Variants in WDFY4 observed in about 807,000 individuals in gnomAD.
The protein encoded by WDFY4 is WDFY family member 4.
Under a neutral mutation model 351.9 loss-of-function variants are expected in WDFY4, and 169 were observed. That is an observed-to-expected ratio of 0.48 (90% confidence interval 0.42 to 0.55). The LOEUF (loss-of-function observed/expected upper bound fraction) is 0.55, where lower values mean the gene tolerates loss of function less well. WDFY4 is among the 20% of genes least tolerant of loss of function. The pLI is 0.00. For synonymous variants in WDFY4, 1,622 were observed against 1,574.6 expected (o/e 1.03, Z -0.71); for missense variants, 3,803 against 3,935.6 (o/e 0.97, Z 0.90).
At chr10:48,713,961 T>G (rs1353938753) in intron 2 of WDFY4, among the ~76,000 whole-genome samples, 2 of 152,196 alleles carry the variant, frequency 1.3e-5, no homozygotes, top group African/African-American at 4.8e-5. Context: ...GATGCCCAGG[T>G]GAGCAGTTGC....
intron 47 of WDFY4, among the ~76,000 whole-genome samples, chr10:48,911,236 T>C (rs1293572419): frequency 6.6e-6 from 1 of 152,192 alleles, no homozygotes; most frequent in Non-Finnish European, 1.5e-5. Flanking sequence ...TCATGAGTCA[T>C]TTCAGACAGT....
At chr10:48,877,779 G>A (rs1053021067) in intron 43 of WDFY4, among the ~76,000 whole-genome samples, 5 of 152,224 alleles carry the variant, frequency 3.3e-5, no homozygotes, top group African/African-American at 1.2e-4. Context: ...AGGTGGCAGG[G>A]AAACCCGGGG....
In WDFY4 at chr10:48,981,320, C is replaced by T. The variant is rs114947197; in HGVS notation, c.9377-47C>T. On this transcript the variant is annotated intron_variant, in intron 60 of 61. Coordinates refer to ENST00000325239, the MANE Select transcript of WDFY4 (RefSeq NM_001394531.1). The stretch of plus-strand genomic sequence containing the variant: ...CGTGTGCAGATGCACACTGTATGTG[C>T]GAAGCCGATCTGGCGTTCTAACTCT... The T allele has an allele frequency of 7.8e-4, 1,196 of 1,523,920 alleles. 12 individuals are homozygous for T. The African/African-American group carries it at 0.014, about 18-fold the overall frequency. 94.4% of individuals were successfully genotyped at this position (1,523,920 alleles called of 1,614,324 possible).
intron 31 of WDFY4, among the ~76,000 whole-genome samples, chr10:48,815,318 T>C (rs764861156): frequency 1.3e-5 from 2 of 151,928 alleles, no homozygotes; most frequent in South Asian, 2.1e-4. Context: ...ATTTTTCATA[T>C]GTTTATTAGC....
At chr10:48,790,543 C>T (rs1416075421) in intron 22 of WDFY4, among the ~76,000 whole-genome samples, 184 bp from the exon 23 acceptor site, 1 of 152,204 alleles carries the variant, frequency 6.6e-6, no homozygotes, top group Non-Finnish European at 1.5e-5. Flanking sequence ...ACAGTATCTC[C>T]CAGCCATCTA....
At chr10:48,933,732 C>G (rs1840176838) in intron 47 of WDFY4, among the ~76,000 whole-genome samples, 1 of 152,100 alleles carries the variant, frequency 6.6e-6, no homozygotes, top group Admixed American at 6.5e-5. Context: ...TGGCAATGGG[C>G]TGAGAGTTGG....
At chr10:48,853,877 T>A (rs1251215630) in intron 39 of WDFY4, among the ~76,000 whole-genome samples, 1 of 152,152 alleles carries the variant, frequency 6.6e-6, no homozygotes, top group African/African-American at 2.4e-5. Context: ...GGTGTGGGGT[T>A]TATCTTCGTA....
chr10:48,734,523 CATATAT>C (rs10653287), intron 10 of WDFY4, among the ~76,000 whole-genome samples: 1 of 144,952 alleles, frequency 6.9e-6, no homozygotes, highest in Non-Finnish European at 1.5e-5. Context: ...ATAATATGTG[CATATAT>C]ATATATATAT....
intron 57 of WDFY4, among the ~76,000 whole-genome samples, chr10:48,973,941 G>A (rs1842441469): frequency 1.3e-5 from 2 of 152,204 alleles, no homozygotes; most frequent in Non-Finnish European, 2.9e-5. Context: ...TGATGACCAT[G>A]TGACCTCCCC....
At chr10:48,795,921 G>A (rs922271038) in intron 23 of WDFY4, among the ~76,000 whole-genome samples, 3 of 152,120 alleles carry the variant, frequency 2.0e-5, no homozygotes, top group Admixed American at 1.3e-4. Context: ...AGGCACATCT[G>A]GCTGGGTGCA....
Position 48,822,490 on chromosome 10 carries a change from G to T in WDFY4, c.5935G>T (p.Ala1979Ser). Residue 1979 changes from alanine to serine, a missense_variant, in exon 35 of 62, where the codon GCA (alanine) becomes TCA (serine). This residue lies in a region of WDFY4 where 3,054 missense variants were observed against 3,148.6 expected (regional missense o/e 0.97). Coordinates refer to ENST00000325239, the MANE Select transcript of WDFY4 (RefSeq NM_001394531.1). The stretch of plus-strand genomic sequence containing the variant: ...GAAGCTGTACAGTGGGATGTTCTCG[G>T]CAGACCCCAGGCATATCCTCCTCTT... The part of the protein sequence containing the change: ...VEKLYSGMFS[A>S]DPRHILLFIL... 1.3e-6 allele frequency: 2 copies of T among 1,550,140 alleles called. No homozygotes were observed. The highest frequency in any genetic ancestry group is 2.4e-5 in the South Asian group (2 of 83,574).
intron 8 of WDFY4, among the ~76,000 whole-genome samples, chr10:48,730,789 G>A (rs1207842303): frequency 6.6e-6 from 1 of 152,114 alleles, no homozygotes; most frequent in African/African-American, 2.4e-5. Flanking sequence ...CCATCTCAAT[G>A]TATGGCCAAT....
chr10:48,974,893 GC>G lies in WDFY4; in HGVS notation c.8962del (p.Leu2988TrpfsTer11). 6.4e-7 allele frequency: 1 copy of G among 1,550,434 alleles called. No homozygotes were observed. Among genetic ancestry groups the G allele is most frequent in the Non-Finnish European group, 8.7e-7 (1 of 1,146,170 alleles). On this transcript the variant is annotated frameshift_variant, in exon 58 of 62. Transcript: ENST00000325239. LOFTEE classifies it high-confidence loss of function. ...TATGGACACACACAGGCTGTCACGT[GC>G]CTGGCAGCGTCAGTCACCTTCAGCC... The part of the protein sequence containing the change: ...ALYGHTQAVT[C>X]LAASVTFSLL...
intron 24 of WDFY4, among the ~76,000 whole-genome samples, chr10:48,800,674 CTTTCT>C (rs1565213624): frequency 4.2e-5 from 2 of 48,182 alleles, no homozygotes; most frequent in African/African-American, 1.8e-4. Context: ...GTTTTGGTTT[CTTTCT>C]TTCTTTCTTT....
At position 48,832,678 on chromosome 10, in the gene WDFY4, G is replaced by A. The variant is rs765669221; in HGVS notation, c.6632G>A (p.Arg2211Gln). The A allele has an allele frequency of 5.8e-5, 90 of 1,549,770 alleles. No homozygotes were observed. The Middle Eastern group carries it at 6.7e-4, about 11-fold the overall frequency. The change falls in exon 39 of 62, where the codon CGG becomes CAG. Residue 2211 changes from arginine (R) to glutamine (Q), a missense_variant. Arg to Gln is a conservative substitution (Grantham distance 43, BLOSUM62 1). This residue lies in a region of WDFY4 where 3,054 missense variants were observed against 3,148.6 expected (regional missense o/e 0.97). Coordinates refer to ENST00000325239, the MANE Select transcript of WDFY4 (RefSeq NM_001394531.1). ...TCAGCCATGAAGCTGATGCCCGGGCGGCAGGCCAAGGACCCTGAGTGCAAG... is the reference window on the plus strand; with the variant it reads ...TCAGCCATGAAGCTGATGCCCGGGCAGCAGGCCAAGGACCCTGAGTGCAAG... Reference protein sequence around the residue: ...LSSAMKLMPGRQAKDPECKTE... With the variant: ...LSSAMKLMPGQQAKDPECKTE...
chr10:48,872,020 A>C (rs1214539741), intron 40 of WDFY4, among the ~76,000 whole-genome samples: 1 of 152,168 alleles, frequency 6.6e-6, no homozygotes, highest in Non-Finnish European at 1.5e-5. Context: ...ACCACATTTG[A>C]CTGATGAGGA....
chr10:48,745,930 G>T, intron 12 of WDFY4: 1 of 233,006 alleles, frequency 4.3e-6, no homozygotes, highest in Non-Finnish European at 8.5e-6. Flanking sequence ...AATAACAGGG[G>T]CCTCATCAGG....
chr10:48,726,302 T>C (rs1296756865), intron 6 of WDFY4, among the ~76,000 whole-genome samples: 1 of 152,220 alleles, frequency 6.6e-6, no homozygotes, highest in Non-Finnish European at 1.5e-5. Context: ...GCTGCTCCAT[T>C]GGAGAAAGCA....
At chr10:48,957,099 G>A (rs767050998) in intron 51 of WDFY4, 30 bp from the exon 52 acceptor site, 41 of 1,539,136 alleles carry the variant, frequency 2.7e-5, no homozygotes, top group Admixed American at 2.0e-4. Flanking sequence ...CAGTGAGAGC[G>A]GCTGGTCATG....
Sources: allele counts gnomAD v4.1 joint callset (sites outside exome capture counted in the v4.1 genomes callset), GRCh38; gene constraint gnomAD v4.1.1; regional missense constraint gnomAD v4.1.1; transcripts MANE v1.5; gene names NCBI Gene and HGNC (gene_info 2026-07-23, HGNC 2026-07-21).